PTPRJ: variants seen among roughly 807,000 people sequenced by gnomAD.
The protein encoded by PTPRJ is protein tyrosine phosphatase receptor type J.
A neutral mutation model predicts 141.3 loss-of-function variants in PTPRJ; 129 were observed. The observed-to-expected ratio is 0.91, with a 90% CI of 0.79 to 1.06. The LOEUF (loss-of-function observed/expected upper bound fraction) is 1.06, where lower values mean the gene tolerates loss of function less well. PTPRJ is among the 50% of genes least tolerant of loss of function. The pLI, the probability that PTPRJ is intolerant of heterozygous loss-of-function variation, is 0.00. For synonymous variants in PTPRJ, 610 were observed against 640.5 expected, an observed-to-expected ratio of 0.95 and a Z score of 0.72; for missense variants, 1,601 against 1,679.7, an observed-to-expected ratio of 0.95 and a Z score of 0.82.
chr11:48,024,193 TTTTC>T (rs1853742094), intron 1 of PTPRJ, among the ~76,000 whole-genome samples: 1 of 151,988 alleles, frequency 6.6e-6, no homozygotes, highest in African/African-American at 2.4e-5. Flanking sequence ...CTTACATTTT[TTTTC>T]TTTCTTTCTT....
intron 1 of PTPRJ, among the ~76,000 whole-genome samples, chr11:48,046,906 ATATATATTTTTTTT>A (rs1217827119): frequency 1.4e-4 from 12 of 84,292 alleles, no homozygotes; most frequent in African/African-American, 1.0e-3. Context: ...ATATATATAT[ATATATATTTTTTTT>A]TTTTTTTTTT....
At chr11:48,012,957 T>C (rs1160447747) in intron 1 of PTPRJ, among the ~76,000 whole-genome samples, 2 of 151,726 alleles carry the variant, frequency 1.3e-5, no homozygotes, top group Non-Finnish European at 1.5e-5. Flanking sequence ...ATACAAAAAT[T>C]AACCGGGTGT....
intron 1 of PTPRJ, among the ~76,000 whole-genome samples, chr11:48,037,909 T>C (rs553149892): frequency 6.6e-5 from 10 of 152,148 alleles, no homozygotes; most frequent in African/African-American, 2.4e-4. Context: ...TCCTGTTCTT[T>C]CTGGCCTCCG....
intron 21 of PTPRJ, among the ~76,000 whole-genome samples, chr11:48,156,593 T>C (rs1162960786): frequency 6.3e-3 from 1 of 158 alleles, no homozygotes; most frequent in Non-Finnish European, 0.25. Context: ...TTTTTTTTTT[T>C]TTTTTTTTTT....
chr11:48,111,683 C>A (rs1442155509), intron 2 of PTPRJ, among the ~76,000 whole-genome samples: 1 of 151,942 alleles, frequency 6.6e-6, no homozygotes, highest in African/African-American at 2.4e-5. Context: ...AGTAGAATTG[C>A]GGGAAACAGA....
chr11:48,153,389 C>T (rs1565330151), intron 18 of PTPRJ, among the ~76,000 whole-genome samples: 1 of 149,526 alleles, frequency 6.7e-6, no homozygotes, highest in Non-Finnish European at 1.5e-5. Flanking sequence ...AAAAAATTAG[C>T]CAGGCGTGGT....
Position 48,112,948 on chromosome 11 carries a change from C to G in PTPRJ, c.317C>G (p.Thr106Ser), listed in dbSNP as rs1856478002. 1 of 1,614,028 alleles carries G rather than the reference C, an allele frequency of 6.2e-7. No homozygotes were observed. The highest frequency in any genetic ancestry group is 8.5e-7 in the Non-Finnish European group (1 of 1,179,986). ...LRTPEQGSNG[T>S]DGASQKTPSS... ...ACACCTGAACAAGGATCTAATGGGA[C>G]TGATGGGGCATCTCAAAAAACTCCC... The change falls in exon 3 of 25, where the codon ACT becomes AGT. Residue 106 changes from threonine to serine, a missense_variant. Thr to Ser is a moderately conservative substitution (Grantham distance 58). Transcript: ENST00000418331.
At position 48,168,641 on chromosome 11, in the gene PTPRJ, T is replaced by TATCAAAG. The variant is rs1313957580; in HGVS notation, c.*1282_*1288dup. ...TTGAGGTGTACAAAGTTTGAATTTG[T>TATCAAAG]ATCAAAGATGTAATTATTATTTTTA... is the stretch of plus-strand genomic sequence containing the variant. On this transcript the variant is annotated 3_prime_UTR_variant, in exon 25 of 25. Transcript: ENST00000418331. 1 of 144,566 alleles carries TATCAAAG rather than the reference T, an allele frequency of 6.9e-6. No homozygotes were observed. Among genetic ancestry groups the TATCAAAG allele is most frequent in the Non-Finnish European group, 1.5e-5 (1 of 66,446 alleles). The allele number at this position is 144,566 out of a possible 1,614,324, so 9.0% of individuals were successfully genotyped here. A position where few individuals can be genotyped will look rare whatever the true frequency, so the allele number is the denominator to read the frequency against.
intron 1 of PTPRJ, among the ~76,000 whole-genome samples, chr11:48,051,858 C>CT (rs1480731242): frequency 1.3e-5 from 2 of 152,234 alleles, no homozygotes; most frequent in Non-Finnish European, 2.9e-5. Flanking sequence ...GAGCAAATTA[C>CT]TTTAACTTTG....
At chr11:48,107,441 A>G (rs1565306176) in intron 1 of PTPRJ, among the ~76,000 whole-genome samples, 1 of 152,236 alleles carries the variant, frequency 6.6e-6, no homozygotes, top group East Asian at 1.9e-4. Flanking sequence ...GTTCCTGGGC[A>G]CATCTGGGTG....
chr11:48,072,348 G>A (rs1025316894), intron 1 of PTPRJ, among the ~76,000 whole-genome samples: 21 of 152,154 alleles, frequency 1.4e-4, no homozygotes, highest in Non-Finnish European at 2.8e-4. Context: ...AAAGAAAGAG[G>A]GCTGAACTTG....
At chr11:48,159,080 C>CGT (rs1381947523) in intron 21 of PTPRJ, among the ~76,000 whole-genome samples, 3 of 48,064 alleles carry the variant, frequency 6.2e-5, no homozygotes, top group Non-Finnish European at 8.3e-5. Flanking sequence ...AGTGTGTGTG[C>CGT]GTGTGTGTGT....
At chr11:48,135,860 C>G (rs1191264509) in intron 8 of PTPRJ, among the ~76,000 whole-genome samples, 179 bp from the exon 9 acceptor site, 1 of 152,174 alleles carries the variant, frequency 6.6e-6, no homozygotes, top group African/African-American at 2.4e-5. Flanking sequence ...CACAGAAGAG[C>G]TGAAATTCTT....
At chr11:48,115,502 A>C (rs996798877) in intron 3 of PTPRJ, among the ~76,000 whole-genome samples, 3 of 152,200 alleles carry the variant, frequency 2.0e-5, no homozygotes, top group Non-Finnish European at 4.4e-5. Flanking sequence ...CAGAGAAACA[A>C]AAGCTGAGGG....
In PTPRJ at chr11:48,164,541, T is replaced by G. The variant is rs758533905; in HGVS notation, c.3855+26T>G. Reference sequence around the variant, plus strand: ...GTGAGGCCAAGATCTGTATTTGACATTCCACCCTTCCCCTCCATTTTTTTT... The same window carrying G: ...GTGAGGCCAAGATCTGTATTTGACAGTCCACCCTTCCCCTCCATTTTTTTT... On this transcript the variant is annotated intron_variant, in intron 24 of 24. Transcript: ENST00000418331. 3 of 1,496,480 alleles carry G rather than the reference T, an allele frequency of 2.0e-6. No individual in the cohort carries two copies. The East Asian group carries it at 7.2e-5, about 36-fold the overall frequency. The allele number at this position is 1,496,480 out of a possible 1,614,324, so 92.7% of individuals were successfully genotyped here.
At chr11:48,156,623 C>T (rs1398361640) in intron 21 of PTPRJ, among the ~76,000 whole-genome samples, 2 of 135,478 alleles carry the variant, frequency 1.5e-5, no homozygotes, top group Admixed American at 8.3e-5. Context: ...GAGACAGGGT[C>T]TCCTCTGTCA....
At chr11:48,026,465 T>C (rs1409701486) in intron 1 of PTPRJ, among the ~76,000 whole-genome samples, 1 of 151,766 alleles carries the variant, frequency 6.6e-6, no homozygotes, top group Non-Finnish European at 1.5e-5. Context: ...TCACTGGGGC[T>C]TGACTTGAAT....
chr11:48,156,494 A>T (rs947085258), intron 21 of PTPRJ, among the ~76,000 whole-genome samples: 1 of 151,486 alleles, frequency 6.6e-6, no homozygotes, highest in Admixed American at 6.6e-5. Flanking sequence ...CGGTGTCTTC[A>T]TCTGTGAGAT....
intron 1 of PTPRJ, among the ~76,000 whole-genome samples, chr11:48,078,701 G>T (rs1474198430): frequency 6.6e-6 from 1 of 151,612 alleles, no homozygotes; most frequent in Non-Finnish European, 1.5e-5. Flanking sequence ...GCTAAGAATG[G>T]TTTGTACCTT....
Sources: gnomAD v4.1 joint callset for allele counts (sites outside exome capture counted in the v4.1 genomes callset) on GRCh38, gnomAD v4.1.1 for gene constraint, MANE v1.5 for transcripts, NCBI Gene and HGNC (gene_info 2026-07-23, HGNC 2026-07-21) for gene names.